TBC1D22A: variants seen among roughly 807,000 people sequenced by gnomAD.
TBC1D22A encodes putative GTPase activator.
In TBC1D22A, 38 loss-of-function variants were observed where a neutral mutation model predicts 60.2. The observed-to-expected ratio is 0.63, with a 90% CI of 0.49 to 0.83. The LOEUF is 0.83. Among genes scored for constraint, TBC1D22A ranks in the 40% least tolerant of loss-of-function variants. TBC1D22A has a pLI of 0.00. For missense variants in TBC1D22A, 628 were observed against 701.0 expected, an observed-to-expected ratio of 0.90 and a Z score of 1.18; for synonymous variants, 302 against 281.7, an observed-to-expected ratio of 1.07 and a Z score of -0.72.
intron 8 of TBC1D22A, among the ~76,000 whole-genome samples, chr22:46,956,030 A>G (rs1189942191): frequency 6.6e-6 from 1 of 152,204 alleles, no homozygotes; most frequent in African/African-American, 2.4e-5. Flanking sequence ...AACCTTTTTC[A>G]GTATGTGAAA....
intron 4 of TBC1D22A, among the ~76,000 whole-genome samples, chr22:46,876,002 T>A (rs2067543624): frequency 6.6e-6 from 1 of 152,150 alleles, no homozygotes; most frequent in Non-Finnish European, 1.5e-5. Flanking sequence ...GAGTGAGGAC[T>A]GTAGTTGTCA....
chr22:47,090,644 C>T (rs765750728), intron 11 of TBC1D22A, among the ~76,000 whole-genome samples: 1 of 152,144 alleles, frequency 6.6e-6, no homozygotes, highest in Non-Finnish European at 1.5e-5. Context: ...TGCTCCAGGT[C>T]TGGGTCGGTT....
chr22:47,169,052 C>T (rs953808821), intron 12 of TBC1D22A, among the ~76,000 whole-genome samples: 5 of 152,218 alleles, frequency 3.3e-5, no homozygotes, highest in Admixed American at 1.3e-4. Flanking sequence ...AGCGGCATGG[C>T]GGCTTCTGTC....
chr22:47,147,877 C>T (rs1432302117), intron 12 of TBC1D22A, among the ~76,000 whole-genome samples: 1 of 152,210 alleles, frequency 6.6e-6, no homozygotes, highest in Non-Finnish European at 1.5e-5. Context: ...GAGGCCCAGC[C>T]TGGGGAAGGA....
chr22:46,857,963 G>A (rs150528225), intron 4 of TBC1D22A, among the ~76,000 whole-genome samples: 6 of 152,214 alleles, frequency 3.9e-5, no homozygotes, highest in East Asian at 1.9e-4. Context: ...TTTTGCAGTC[G>A]TGTTTTCCTT....
intron 12 of TBC1D22A, among the ~76,000 whole-genome samples, chr22:47,147,306 C>G (rs1006681233): frequency 6.6e-6 from 1 of 152,352 alleles, no homozygotes; most frequent in African/African-American, 2.4e-5. Flanking sequence ...TATTCCTCCC[C>G]GTAAAAGGTG....
At chr22:46,894,674 G>A (rs2068577232) in intron 6 of TBC1D22A, 110 bp from the exon 7 acceptor site, 16 of 1,257,380 alleles carry the variant, frequency 1.3e-5, no homozygotes, top group East Asian at 2.4e-5. Flanking sequence ...AGGAGAGAGC[G>A]GGGTAGAGGC....
In TBC1D22A at chr22:46,793,597, G is replaced by C. The variant is rs1481794938; in HGVS notation, c.216G>C (p.Trp72Cys). 8.7e-6 allele frequency: 14 copies of C among 1,613,880 alleles called. No homozygotes were observed. Residue 72 changes from tryptophan (W) to cysteine (C), a missense_variant, in exon 3 of 13, where the codon TGG becomes TGC. Coordinates refer to ENST00000337137, the MANE Select transcript of TBC1D22A (RefSeq NM_014346.5). Reference protein sequence around the residue: ...QEFESNTSDAWDAGEDDDELL... With the variant: ...QEFESNTSDACDAGEDDDELL... ...TTGAGAGCAATACCAGCGATGCCTG[G>C]GACGCTGGGGAGGACGACGATGAGC...
intron 12 of TBC1D22A, among the ~76,000 whole-genome samples, chr22:47,118,117 C>G (rs900329526): frequency 6.6e-6 from 1 of 151,170 alleles, no homozygotes; most frequent in Non-Finnish European, 1.5e-5. Flanking sequence ...AGTGAGACTC[C>G]GTCTCAAAAA....
At chr22:46,950,779 G>A (rs1004029480) in intron 8 of TBC1D22A, among the ~76,000 whole-genome samples, 4 of 152,156 alleles carry the variant, frequency 2.6e-5, no homozygotes, top group Admixed American at 6.5e-5. Context: ...GAACCCTTGC[G>A]TCTCCGGGAT....
intron 10 of TBC1D22A, among the ~76,000 whole-genome samples, chr22:47,015,974 TG>T (rs921039225): frequency 6.6e-5 from 10 of 152,170 alleles, no homozygotes; most frequent in African/African-American, 2.4e-4. Flanking sequence ...CTGGTCTCCT[TG>T]GCGTCCACTG....
intron 1 of TBC1D22A, chr22:46,789,286 C>T (rs749925508): frequency 7.7e-5 from 28 of 361,602 alleles, no homozygotes; most frequent in East Asian, 2.0e-4. Context: ...CCACCAAGCC[C>T]GGCTAATTTT....
intron 10 of TBC1D22A, among the ~76,000 whole-genome samples, chr22:47,007,056 C>T (rs2061615507): frequency 6.6e-6 from 1 of 152,198 alleles, no homozygotes; most frequent in Admixed American, 6.5e-5. Flanking sequence ...GTGCGGTACA[C>T]CTGCTGGGAG....
At chr22:46,793,947 C>A in intron 3 of TBC1D22A, 106 bp downstream of exon 3, 1 of 1,121,724 alleles carries the variant, frequency 8.9e-7, no homozygotes, top group Non-Finnish European at 1.2e-6. Context: ...TCCTCATTTG[C>A]AGCAGGCCCC....
chr22:47,003,622 CAGAT>C (rs1379394074), intron 10 of TBC1D22A, among the ~76,000 whole-genome samples: 6 of 144,622 alleles, frequency 4.1e-5, no homozygotes, highest in Non-Finnish European at 6.0e-5. Context: ...ACACACCCAC[CAGAT>C]ACATATACAC....
At chr22:47,099,150 T>C (rs1358889323) in intron 11 of TBC1D22A, among the ~76,000 whole-genome samples, 1 of 152,250 alleles carries the variant, frequency 6.6e-6, no homozygotes, top group Non-Finnish European at 1.5e-5. Flanking sequence ...TGTGCTGTGC[T>C]GGGTGTCACC....
At chr22:47,121,498 G>A (rs955441828) in intron 12 of TBC1D22A, among the ~76,000 whole-genome samples, 5 of 152,162 alleles carry the variant, frequency 3.3e-5, no homozygotes, top group African/African-American at 9.7e-5. Context: ...AATATTTACT[G>A]AAACGAGCAA....
intron 12 of TBC1D22A, among the ~76,000 whole-genome samples, chr22:47,142,060 T>A (rs1250352110): frequency 6.6e-6 from 1 of 152,172 alleles, no homozygotes; most frequent in African/African-American, 2.4e-5. Context: ...GCCACAGCTC[T>A]GGCCCCTGTG....
At chr22:46,991,549 G>T (rs1223412202) in intron 9 of TBC1D22A, among the ~76,000 whole-genome samples, 1 of 152,230 alleles carries the variant, frequency 6.6e-6, no homozygotes, top group Non-Finnish European at 1.5e-5. Flanking sequence ...GTGGACAGTT[G>T]GGGTTCACTT....
Sources: gnomAD v4.1 joint callset for allele counts (sites outside exome capture counted in the v4.1 genomes callset) on GRCh38, gnomAD v4.1.1 for gene constraint, MANE v1.5 for transcripts, NCBI Gene and HGNC (gene_info 2026-07-23, HGNC 2026-07-21) for gene names.